The following PALM variants were observed in gnomAD, a reference collection of about 807,000 sequenced individuals.
The protein encoded by PALM is paralemmin.
Under a neutral mutation model 30.7 loss-of-function variants are expected in PALM, and 18 were observed. The ratio of observed to expected loss-of-function variants is 0.59; its 90% CI spans 0.41 to 0.87. The LOEUF (loss-of-function observed/expected upper bound fraction) is 0.87, where lower values mean the gene tolerates loss of function less well. Ranked by LOEUF, PALM falls within the 40% of genes least tolerant of loss-of-function variation. The pLI is 0.00. For synonymous variants in PALM, 286 were observed against 242.8 expected, an observed-to-expected ratio of 1.18 and a Z score of -1.66; for missense variants, 529 against 555.4, an observed-to-expected ratio of 0.95 and a Z score of 0.48.
Position 734,204 on chromosome 19 carries a change from C to T in PALM, c.442+10C>T, listed in dbSNP as rs772340580. On this transcript the variant is annotated intron_variant, in intron 6 of 8. Transcript: ENST00000338448. ...GTGGGCACGCCCAAAGGTAGGACCT[C>T]TGGAAGGAACTCGTGGGGCCTCGGC... 18 of 1,613,234 alleles carry T rather than the reference C, an allele frequency of 1.1e-5. No individual in the cohort carries two copies. The highest frequency in any genetic ancestry group is 1.6e-4 in the Middle Eastern group (1 of 6,082).
At chr19:728,493 C>T (rs1484960989) in intron 4 of PALM, among the ~76,000 whole-genome samples, 1 of 152,170 alleles carries the variant, frequency 6.6e-6, no homozygotes, top group Non-Finnish European at 1.5e-5. Context: ...GGATGGACTT[C>T]CCTCCTGGGC....
In PALM at chr19:739,046, C is replaced by T. The variant is rs575856373; in HGVS notation, c.503-1306C>T. On this transcript the variant is annotated intron_variant, in intron 7 of 8. Coordinates refer to ENST00000338448, the MANE Select transcript of PALM (RefSeq NM_002579.3). ...GAGGTGCCTGGTGATCCCCAGTGCTCGTCATCTTCAAGCAGGCCTGGGGGT... is the reference window on the plus strand; with the variant it reads ...GAGGTGCCTGGTGATCCCCAGTGCTTGTCATCTTCAAGCAGGCCTGGGGGT... Among the ~76,000 whole-genome samples the T allele has an allele frequency of 2.1e-4, 32 of 152,240 alleles. No individual in the cohort carries two copies. The South Asian group carries it at 6.2e-3, about 30-fold the overall frequency.
At chr19:740,272 C>T (rs7245884) in intron 7 of PALM, 80 bp from the exon 8 acceptor site, 182,603 of 1,405,504 alleles carry the variant, frequency 0.13, 13,815 homozygotes, top group African/African-American at 0.26. Flanking sequence ...CTGGCTCCCC[C>T]CTCCCTGGCT....
Position 709,914 on chromosome 19 carries a change from G to GTT in PALM, c.5+763_5+764insTT, listed in dbSNP as rs1182441552. On this transcript the variant is annotated intron_variant, in intron 1 of 8. Coordinates refer to ENST00000338448, the MANE Select transcript of PALM (RefSeq NM_002579.3). The surrounding 1 kb of genome is among the most constrained non-coding windows in gnomAD (Gnocchi z 4.3). The stretch of plus-strand genomic sequence containing the variant: ...CGCATGGCTGCGCCTGTGTGTGTGG[G>GTT]GGGGGGGTGGCCAGTGGAGGCACCG... Among the ~76,000 whole-genome samples, 1 of 151,936 alleles carries GTT rather than the reference G, an allele frequency of 6.6e-6. No individual in the cohort carries two copies.
At chr19:737,530 A>G (rs1233210930) in intron 7 of PALM, among the ~76,000 whole-genome samples, 1 of 152,126 alleles carries the variant, frequency 6.6e-6, no homozygotes, top group East Asian at 1.9e-4. Flanking sequence ...GTTGAGCTGG[A>G]GGAAGGAGAA....
At chr19:723,620 C>T (rs892272024) in intron 1 of PALM, among the ~76,000 whole-genome samples, 6 of 132,288 alleles carry the variant, frequency 4.5e-5, no homozygotes, top group African/African-American at 1.4e-4. Flanking sequence ...TTGACGGAGT[C>T]TCGCTTTGTT....
intron 1 of PALM, among the ~76,000 whole-genome samples, chr19:717,243 C>T (rs1161659417): frequency 6.6e-6 from 1 of 152,112 alleles, no homozygotes; most frequent in Non-Finnish European, 1.5e-5. Flanking sequence ...GTGTATCTTT[C>T]ACCACAATTG....
rs2032689890 is a variant in PALM, at chr19:727,043, G to A, written c.93G>A (p.Lys31=). The part of the protein sequence containing the change: ...KRKRQAEIEN[K]RRQLEDERRQ... The stretch of plus-strand genomic sequence containing the variant: ...AGCGGCAGGCGGAGATCGAGAACAA[G>A]CGCCGGCAGCTGGAGGACGAGCGGA... The change falls in exon 3 of 9, where the codon AAG becomes AAA. Residue 31 remains lysine (K), a synonymous_variant. Coordinates refer to ENST00000338448, the MANE Select transcript of PALM (RefSeq NM_002579.3). The A allele has an allele frequency of 6.2e-6, 8 of 1,292,320 alleles. No homozygotes were observed. The highest frequency in any genetic ancestry group is 8.1e-6 in the Non-Finnish European group (8 of 981,904). The allele number at this position is 1,292,320 out of a possible 1,614,324, so 80.1% of individuals were successfully genotyped here.
At chr19:733,967 CAA>C (rs986376724) in intron 5 of PALM, among the ~76,000 whole-genome samples, 7 of 152,120 alleles carry the variant, frequency 4.6e-5, no homozygotes, top group African/African-American at 1.4e-4. Flanking sequence ...GCCTGGGCGA[CAA>C]GAGCGAAACT....
intron 7 of PALM, among the ~76,000 whole-genome samples, chr19:739,848 C>T (rs1344455966): frequency 6.6e-6 from 1 of 152,152 alleles, no homozygotes; most frequent in Non-Finnish European, 1.5e-5. Flanking sequence ...TGGTGGCGGG[C>T]GCCTGTAGTC....
At chr19:728,440 G>A (rs1039626295) in intron 4 of PALM, among the ~76,000 whole-genome samples, 1 of 152,224 alleles carries the variant, frequency 6.6e-6, no homozygotes, top group South Asian at 2.1e-4. Flanking sequence ...TCCCTGCCCA[G>A]TTCTGCCCAT....
intron 1 of PALM, among the ~76,000 whole-genome samples, chr19:722,166 C>T (rs1205255916): frequency 1.3e-5 from 2 of 152,118 alleles, no homozygotes; most frequent in Non-Finnish European, 2.9e-5. Context: ...GATCCGCCCG[C>T]CTCGGCCTCC....
At chr19:724,532 G>T (rs2032598070) in intron 1 of PALM, among the ~76,000 whole-genome samples, 1 of 152,040 alleles carries the variant, frequency 6.6e-6, no homozygotes, top group African/African-American at 2.4e-5. Context: ...TGTTGGGCAG[G>T]CTGGTCTAGA....
chr19:715,092 C>T (rs1353827611), intron 1 of PALM, among the ~76,000 whole-genome samples: 1 of 152,168 alleles, frequency 6.6e-6, no homozygotes, highest in Non-Finnish European at 1.5e-5. Context: ...AGTGAAACCC[C>T]ATCTCTACTA....
chr19:726,985 A>AGGCC, intron 2 of PALM, 23 bp from the exon 3 acceptor site: 2 of 945,362 alleles, frequency 2.1e-6, no homozygotes, highest in Non-Finnish European at 3.2e-6. Flanking sequence ...CCCATCCCTG[A>AGGCC]CCCCACCCGG....
rs565028632 is a variant in PALM, at chr19:709,911, T to TGG, written c.5+769_5+770dup. On this transcript the variant is annotated intron_variant, in intron 1 of 8. Transcript: ENST00000338448. This position sits in a 1 kb window ranked among gnomAD's most constrained non-coding sequence, Gnocchi z 4.3. ...CCCCGCATGGCTGCGCCTGTGTGTG[T>TGG]GGGGGGGGGGTGGCCAGTGGAGGCA... is the stretch of plus-strand genomic sequence containing the variant. Among the ~76,000 whole-genome samples the TGG allele has an allele frequency of 4.8e-3, 706 of 147,548 alleles. 1 individual carries two copies. The highest frequency in any genetic ancestry group is 5.1e-3 in the African/African-American group (206 of 40,322).
intron 1 of PALM, among the ~76,000 whole-genome samples, chr19:715,881 C>A (rs1345193245): frequency 2.0e-5 from 3 of 152,132 alleles, no homozygotes; most frequent in Admixed American, 2.0e-4. Context: ...AGGGACGGGG[C>A]TCCCTGGCTG....
intron 1 of PALM, among the ~76,000 whole-genome samples, chr19:718,172 A>G (rs1319525647): frequency 2.0e-5 from 3 of 151,850 alleles, no homozygotes; most frequent in East Asian, 3.9e-4. Context: ...ACAGAGGGAG[A>G]CTCCATCTCA....
At chr19:718,154 C>T (rs1277594456) in intron 1 of PALM, among the ~76,000 whole-genome samples, 1 of 152,118 alleles carries the variant, frequency 6.6e-6, no homozygotes, top group Non-Finnish European at 1.5e-5. Context: ...CGCACTCCAG[C>T]CTGGGCAACA....
Sources: allele counts gnomAD v4.1 joint callset (sites outside exome capture counted in the v4.1 genomes callset), GRCh38; gene constraint gnomAD v4.1.1; non-coding constraint Gnocchi (gnomAD v3.1); transcripts MANE v1.5; gene names NCBI Gene and HGNC (gene_info 2026-07-23, HGNC 2026-07-21).